Variants in GRIK3 observed in about 807,000 individuals in gnomAD.
GRIK3 encodes the protein glutamate receptor ionotropic, kainate 3.
In GRIK3, 29 loss-of-function variants were observed where a neutral mutation model predicts 102.5. That is an observed-to-expected ratio of 0.28 (90% CI 0.21 to 0.39). The LOEUF is 0.39. Ranked by LOEUF, GRIK3 falls within the 10% of genes least tolerant of loss-of-function variation. GRIK3 has a pLI of 1.00. For synonymous variants in GRIK3, 511 were observed against 504.9 expected (o/e 1.01, Z -0.16); for missense variants, 908 against 1,252.4 (o/e 0.73, Z 4.15).
At chr1:37,015,659 C>T (rs1346285152) in intron 1 of GRIK3, among the ~76,000 whole-genome samples, 3 of 152,208 alleles carry the variant, frequency 2.0e-5, no homozygotes, top group Admixed American at 2.0e-4. Flanking sequence ...GGGTGCCAAG[C>T]ACCCTGTTCC....
intron 1 of GRIK3, among the ~76,000 whole-genome samples, chr1:36,928,573 G>A (rs116731477): frequency 6.6e-6 from 1 of 152,166 alleles, no homozygotes; most frequent in Non-Finnish European, 1.5e-5. Context: ...ATGCATGTAG[G>A]TTCAGCTTAA....
chr1:36,830,983 C>A (rs138688811), intron 10 of GRIK3, among the ~76,000 whole-genome samples: 20 of 152,268 alleles, frequency 1.3e-4, no homozygotes, highest in African/African-American at 4.1e-4. Context: ...TCCTTCAGAG[C>A]CTCCAAAAGG....
At chr1:36,884,691 C>G (rs1641019028) in intron 2 of GRIK3, among the ~76,000 whole-genome samples, 1 of 152,226 alleles carries the variant, frequency 6.6e-6, no homozygotes, top group African/African-American at 2.4e-5. Flanking sequence ...CCTCTGGTTT[C>G]TGTCCCACTA....
chr1:36,906,623 A>T (rs1641287584), intron 1 of GRIK3, among the ~76,000 whole-genome samples: 2 of 148,178 alleles, frequency 1.3e-5, no homozygotes, highest in African/African-American at 2.5e-5. Context: ...AATGTTTTAG[A>T]TGATAAGTAT....
At chr1:36,989,372 G>A (rs1642340670) in intron 1 of GRIK3, among the ~76,000 whole-genome samples, 1 of 152,196 alleles carries the variant, frequency 6.6e-6, no homozygotes, top group Non-Finnish European at 1.5e-5. Flanking sequence ...AGCTCCAGCT[G>A]GCAGAGGAGG....
intron 3 of GRIK3, among the ~76,000 whole-genome samples, chr1:36,876,132 T>C (rs1640910247): frequency 6.6e-6 from 1 of 152,112 alleles, no homozygotes; most frequent in Non-Finnish European, 1.5e-5. Flanking sequence ...TCTCAGTGCT[T>C]TGAGAGGCTA....
chr1:36,911,694 T>C (rs1641347133), intron 1 of GRIK3, among the ~76,000 whole-genome samples: 1 of 152,022 alleles, frequency 6.6e-6, no homozygotes, highest in South Asian at 2.1e-4. Flanking sequence ...TCGACCGTGT[T>C]GGGAGGATGG....
chr1:36,860,082 C>T, intron 5 of GRIK3, 65 bp from the exon 6 acceptor site: 1 of 1,308,244 alleles, frequency 7.6e-7, no homozygotes, highest in Non-Finnish European at 1.1e-6. Context: ...GCCCCGCCTC[C>T]TACCCACTCC....
chr1:36,975,187 T>A (rs1642182331), intron 1 of GRIK3, among the ~76,000 whole-genome samples: 1 of 152,104 alleles, frequency 6.6e-6, no homozygotes, highest in South Asian at 2.1e-4. Flanking sequence ...AAACATTTTT[T>A]AAAACTTTAA....
chr1:36,911,273 A>G (rs985108738), intron 1 of GRIK3, among the ~76,000 whole-genome samples: 1 of 152,150 alleles, frequency 6.6e-6, no homozygotes, highest in Non-Finnish European at 1.5e-5. Context: ...TCAGCTAAGC[A>G]TGTGGGCTCT....
At chr1:36,810,627 C>A (rs1480946806) in intron 13 of GRIK3, among the ~76,000 whole-genome samples, 1 of 152,182 alleles carries the variant, frequency 6.6e-6, no homozygotes, top group Non-Finnish European at 1.5e-5. Flanking sequence ...AGAATGTGTG[C>A]AGAGATGCAG....
At chr1:36,835,602 C>T (rs1640367610) in intron 10 of GRIK3, among the ~76,000 whole-genome samples, 1 of 152,192 alleles carries the variant, frequency 6.6e-6, no homozygotes, top group Non-Finnish European at 1.5e-5. Context: ...ATGGCATAAT[C>T]CCCTGCCTCA....
chr1:36,820,264 T>C (rs932266082), intron 11 of GRIK3, among the ~76,000 whole-genome samples: 4 of 152,208 alleles, frequency 2.6e-5, no homozygotes, highest in Non-Finnish European at 4.4e-5. Flanking sequence ...ACAACTATAC[T>C]GTGAAATATT....
chr1:36,843,867 G>A (rs1399320970), intron 9 of GRIK3, among the ~76,000 whole-genome samples: 1 of 152,262 alleles, frequency 6.6e-6, no homozygotes, highest in Non-Finnish European at 1.5e-5. Flanking sequence ...GGAAGCTCAT[G>A]TCTGCATGCC....
At chr1:36,918,723 G>A (rs549959756) in intron 1 of GRIK3, among the ~76,000 whole-genome samples, 2 of 152,198 alleles carry the variant, frequency 1.3e-5, no homozygotes, top group East Asian at 1.9e-4. Context: ...CCATTTCCAC[G>A]TCTGTCTCCC....
chr1:36,831,824 G>A (rs1007606285), intron 10 of GRIK3, among the ~76,000 whole-genome samples: 1 of 152,164 alleles, frequency 6.6e-6, no homozygotes, highest in Non-Finnish European at 1.5e-5. Context: ...GGTGGCTGCC[G>A]CATTGAAAGG....
chr1:37,032,268 G>C (rs1642836446), intron 1 of GRIK3, among the ~76,000 whole-genome samples: 1 of 152,142 alleles, frequency 6.6e-6, no homozygotes, highest in South Asian at 2.1e-4. Context: ...CTGTCCTTCT[G>C]GGCCTCCAAA....
chr1:36,983,219 A>T (rs1642268486), intron 1 of GRIK3, among the ~76,000 whole-genome samples: 2 of 152,122 alleles, frequency 1.3e-5, no homozygotes, highest in African/African-American at 2.4e-5. Context: ...CATGGTGCAC[A>T]CACAAACACA....
chr1:36,859,065 A>T, intron 7 of GRIK3, 43 bp downstream of exon 7: 1 of 1,521,376 alleles, frequency 6.6e-7, no homozygotes, highest in Non-Finnish European at 9.0e-7. Context: ...CAGGGCCCAC[A>T]GTCCCGGGGA....
Sources: gnomAD v4.1 joint callset for allele counts (sites outside exome capture counted in the v4.1 genomes callset) on GRCh38, gnomAD v4.1.1 for gene constraint, MANE v1.5 for transcripts, NCBI Gene and HGNC (gene_info 2026-07-23, HGNC 2026-07-21) for gene names.